Variants in TM7SF3 observed in about 807,000 individuals in gnomAD.
TM7SF3 encodes seven span transmembrane protein.
TM7SF3 carries 60 observed loss-of-function variants against 65.5 expected under a neutral mutation model. The observed-to-expected ratio is 0.92, with a 90% CI of 0.74 to 1.14. The LOEUF is 1.14. Among genes scored for constraint, TM7SF3 ranks in the 50% most tolerant of loss-of-function variants. TM7SF3 has a pLI of 0.00. For missense variants in TM7SF3, 623 were observed against 684.8 expected (o/e 0.91, Z 1.01); for synonymous variants, 264 against 259.6 (o/e 1.02, Z -0.16).
rs1939390580 is a variant in TM7SF3 at position 26,972,229 on chromosome 12, GC to G, written c.*1735del. The stretch of plus-strand genomic sequence containing the variant: ...GGACTCTCCAAGGTCCTAATGAAAA[GC>G]AGCTCCTCTAAACACCTGAATCCTT... On this transcript the variant is annotated 3_prime_UTR_variant, in exon 12 of 12. Transcript: ENST00000343028. 6.6e-6 allele frequency: 1 copy of G among 152,156 alleles called. No individual in the cohort carries two copies. 9.4% of individuals were successfully genotyped at this position (152,156 alleles called of 1,614,324 possible).
chr12:26,999,816 T>C, intron 2 of TM7SF3, 140 bp from the exon 3 acceptor site: 4 of 796,362 alleles, frequency 5.0e-6, no homozygotes, highest in Non-Finnish European at 7.7e-6. Context: ...AACCAGGGAA[T>C]TCTTTTCATC....
Position 27,014,255 on chromosome 12 carries a change from T to A in TM7SF3, c.-87A>T. On this transcript the variant is annotated 5_prime_UTR_variant, in exon 1 of 12. Transcript: ENST00000343028. ...GGGCCCCGCAGCCTCGCCCACGCTA[T>A]CCCGGGGCGCCCGCATCGGGCGCCA... 8.0e-7 allele frequency: 1 copy of A among 1,252,246 alleles called. No homozygotes were observed. The highest frequency in any genetic ancestry group is 3.0e-5 in the East Asian group (1 of 32,818). The allele number at this position is 1,252,246 out of a possible 1,614,324, so 77.6% of individuals were successfully genotyped here. A position where few individuals can be genotyped will look rare whatever the true frequency, so the allele number is the denominator to read the frequency against.
intron 6 of TM7SF3, among the ~76,000 whole-genome samples, chr12:26,987,769 C>G (rs1229925440): frequency 2.0e-5 from 3 of 152,008 alleles, no homozygotes; most frequent in Non-Finnish European, 4.4e-5. Flanking sequence ...TACTGACACT[C>G]GAAGTACCTC....
intron 9 of TM7SF3, chr12:26,979,253 C>G (rs1163635416): frequency 6.6e-6 from 1 of 152,238 alleles, no homozygotes; most frequent in Non-Finnish European, 1.5e-5. Flanking sequence ...AGTTATTAAA[C>G]AATGGCAAAG....
At chr12:26,987,559 G>A (rs1452559924) in intron 6 of TM7SF3, among the ~76,000 whole-genome samples, 9 of 152,190 alleles carry the variant, frequency 5.9e-5, no homozygotes, top group Non-Finnish European at 7.3e-5. Context: ...GAATCTACAG[G>A]TCCAGGTTTA....
rs1295073394 is a variant in TM7SF3 at position 26,971,654 on chromosome 12, C to G, written c.*2311G>C. On this transcript the variant is annotated 3_prime_UTR_variant, in exon 12 of 12. Coordinates refer to ENST00000343028, the MANE Select transcript of TM7SF3 (RefSeq NM_016551.3). The stretch of plus-strand genomic sequence containing the variant: ...CTCACAAATGATGAAAAATTTTAAA[C>G]AATTAGTATCCTCCCTCCAAAATAG... 1.3e-5 allele frequency: 2 copies of G among 152,008 alleles called. No individual in the cohort carries two copies. The highest frequency in any genetic ancestry group is 4.8e-5 in the African/African-American group (2 of 41,370). 9.4% of individuals were successfully genotyped at this position (152,008 alleles called of 1,614,324 possible). A position where few individuals can be genotyped will look rare whatever the true frequency, so the allele number is the denominator to read the frequency against.
At position 26,974,239 on chromosome 12, in the gene TM7SF3, T is replaced by C. The variant is rs775132360; in HGVS notation, c.1451-12A>G. 5.0e-6 allele frequency: 8 copies of C among 1,609,978 alleles called. No individual in the cohort carries two copies. The Admixed American group carries it at 5.1e-5, about 10-fold the overall frequency. On this transcript the variant is annotated splice_polypyrimidine_tract_variant and intron_variant, in intron 11 of 11. Transcript: ENST00000343028. ...CAGGATAATGAAGTCTAAAAAACAG[T>C]AGAAAAAGTACAGTTTGAACTCTAG...
intron 9 of TM7SF3, chr12:26,979,509 C>T (rs922811157): frequency 5.4e-6 from 2 of 368,060 alleles, no homozygotes; most frequent in African/African-American, 2.1e-5. Flanking sequence ...ATTTCCTTTA[C>T]CTCCATTATT....
intron 1 of TM7SF3, chr12:27,012,919 A>C (rs1592324908): frequency 3.0e-6 from 1 of 328,360 alleles, no homozygotes; most frequent in Non-Finnish European, 5.9e-6. Context: ...AATTGCTTGA[A>C]CCCGGGTGTC....
intron 5 of TM7SF3, among the ~76,000 whole-genome samples, chr12:26,992,821 C>T (rs1178010438): frequency 6.6e-6 from 1 of 151,500 alleles, no homozygotes; most frequent in Admixed American, 6.6e-5. Flanking sequence ...TAAGAATATT[C>T]TCCTATATAA....
chr12:27,002,176 T>C (rs1425226903), intron 2 of TM7SF3, among the ~76,000 whole-genome samples: 1 of 152,042 alleles, frequency 6.6e-6, no homozygotes, highest in Non-Finnish European at 1.5e-5. Flanking sequence ...TAATATTATA[T>C]ATGGGCTGGG....
At chr12:27,006,289 C>T (rs1941033792) in intron 1 of TM7SF3, among the ~76,000 whole-genome samples, 1 of 151,796 alleles carries the variant, frequency 6.6e-6, no homozygotes, top group Non-Finnish European at 1.5e-5. Context: ...AGGCATGTGC[C>T]ACCACGCTCG....
At chr12:27,006,125 C>T (rs1023949113) in intron 1 of TM7SF3, among the ~76,000 whole-genome samples, 4 of 146,414 alleles carry the variant, frequency 2.7e-5, no homozygotes, top group African/African-American at 7.6e-5. Flanking sequence ...TACACTTGTC[C>T]TTCTTTTTCT....
chr12:26,996,919 C>T, intron 3 of TM7SF3, 57 bp from the exon 4 acceptor site: 1 of 1,537,528 alleles, frequency 6.5e-7, no homozygotes, highest in African/African-American at 1.4e-5. Flanking sequence ...CCAAATCATA[C>T]TCAGAAAAAC....
chr12:27,001,466 AC>A (rs1015239934), intron 2 of TM7SF3, among the ~76,000 whole-genome samples: 1 of 152,192 alleles, frequency 6.6e-6, no homozygotes, highest in African/African-American at 2.4e-5. Flanking sequence ...GGGGTTCCTA[AC>A]TGGGGGCCTG....
chr12:27,004,125 T>C (rs1459193078), intron 1 of TM7SF3, among the ~76,000 whole-genome samples: 1 of 152,228 alleles, frequency 6.6e-6, no homozygotes, highest in Non-Finnish European at 1.5e-5. Context: ...ATCTGTCTAC[T>C]TGCCTCCATG....
intron 6 of TM7SF3, among the ~76,000 whole-genome samples, chr12:26,986,956 A>G (rs1940126744): frequency 6.6e-6 from 1 of 151,998 alleles, no homozygotes; most frequent in Non-Finnish European, 1.5e-5. Context: ...CTTTCCTTTT[A>G]CCAATCTGGC....
In TM7SF3 at chr12:27,011,888, A is replaced by G. The variant is rs113688627; in HGVS notation, c.91+2190T>C. On this transcript the variant is annotated intron_variant, in intron 1 of 11. Coordinates refer to ENST00000343028, the MANE Select transcript of TM7SF3 (RefSeq NM_016551.3). ...AAAAAATTAATTTCTCAATTTATTC[A>G]TATTTTTTAACTTTTGTATAAAAAT... 1.2e-3 allele frequency among the ~76,000 whole-genome samples: 187 copies of G among 152,360 alleles called. 1 individual carries two copies. The highest frequency in any genetic ancestry group is 4.4e-3 in the African/African-American group (183 of 41,594).
intron 6 of TM7SF3, among the ~76,000 whole-genome samples, chr12:26,989,207 G>A (rs1592287550): frequency 6.6e-6 from 1 of 152,138 alleles, no homozygotes; most frequent in Non-Finnish European, 1.5e-5. Context: ...AGGCCAAGGC[G>A]GGTGGATCAC....
Sources: allele counts gnomAD v4.1 joint callset (sites outside exome capture counted in the v4.1 genomes callset), GRCh38; gene constraint gnomAD v4.1.1; transcripts MANE v1.5; gene names NCBI Gene and HGNC (gene_info 2026-07-23, HGNC 2026-07-21).